Variants in PPP1R17 observed in about 807,000 individuals in gnomAD.
PPP1R17 encodes protein phosphatase 1 regulatory subunit 17.
A neutral mutation model predicts 15.9 loss-of-function variants in PPP1R17; 12 were observed. That is an observed-to-expected ratio of 0.75 (90% CI 0.48 to 1.22). PPP1R17 has a LOEUF of 1.22. Ranked by LOEUF, PPP1R17 falls within the 50% of genes most tolerant of loss-of-function variation. The probability of loss-of-function intolerance (pLI) is 0.00; values close to 1 mark genes in which losing one functional copy is unlikely to be tolerated. For missense variants in PPP1R17, 211 were observed against 187.3 expected (o/e 1.13, Z -0.74); for synonymous variants, 63 against 64.5 (o/e 0.98, Z 0.11).
chr7:31,697,103 C>T lies in PPP1R17; in HGVS notation c.374C>T (p.Ser125Phe), dbSNP rs141313463. The T allele has an allele frequency of 3.1e-6, 5 of 1,613,966 alleles. No homozygotes were observed. The highest frequency in any genetic ancestry group is 4.2e-6 in the Non-Finnish European group (5 of 1,179,922). ...AAAGACACACCTGCCCTGCACATGT[C>T]CCCCTTTGCAGCAGGTAAAAAAGCT... is the stretch of plus-strand genomic sequence containing the variant. ...RRKDTPALHM[S>F]PFAAGVTLLR... Residue 125 changes from serine to phenylalanine, a missense_variant, in exon 4 of 5, where the codon TCC (serine) becomes TTC (phenylalanine). Transcript: ENST00000342032.
At chr7:31,695,023 C>T (rs553062801) in intron 2 of PPP1R17, among the ~76,000 whole-genome samples, 1 of 152,148 alleles carries the variant, frequency 6.6e-6, no homozygotes, top group Non-Finnish European at 1.5e-5. Context: ...GAGAAATTCA[C>T]TGAGGACCGA....
rs534925346 is a variant in PPP1R17 at position 31,696,816 on chromosome 7, G to A, written c.236-149G>A. On this transcript the variant is annotated intron_variant, in intron 3 of 4. Coordinates refer to ENST00000342032, the MANE Select transcript of PPP1R17 (RefSeq NM_006658.5). ...TAGTGGAGCCTCAATAAATACTAAT[G>A]CTTCTTATGAAAAGTCTTGCTTTAT... 204 of 846,524 alleles carry A rather than the reference G, an allele frequency of 2.4e-4. 3 individuals carry two copies. In the South Asian group the frequency reaches 2.7e-3, roughly 11 times the overall value. The allele number at this position is 846,524 out of a possible 1,614,324, so 52.4% of individuals were successfully genotyped here.
At chr7:31,690,238 C>T (rs1343262178) in intron 1 of PPP1R17, among the ~76,000 whole-genome samples, 2 of 152,176 alleles carry the variant, frequency 1.3e-5, no homozygotes, top group Admixed American at 6.5e-5. Flanking sequence ...AAAAATCTAG[C>T]GTGGTAGATA....
chr7:31,691,432 T>C (rs1792336937), intron 1 of PPP1R17, among the ~76,000 whole-genome samples: 1 of 152,172 alleles, frequency 6.6e-6, no homozygotes, highest in Admixed American at 6.5e-5. Context: ...CTTGCTATAG[T>C]AGGACATGAG....
intron 4 of PPP1R17, 79 bp downstream of exon 4, chr7:31,697,196 C>G: frequency 6.5e-7 from 1 of 1,537,528 alleles, no homozygotes; most frequent in African/African-American, 1.4e-5. Flanking sequence ...GTCCCCAGGG[C>G]CTGGCCGTTG....
chr7:31,705,417 T>C lies in PPP1R17; in HGVS notation c.389-1787T>C, dbSNP rs147234809. Among the ~76,000 whole-genome samples the C allele has an allele frequency of 4.6e-5, 7 of 152,300 alleles. No individual in the cohort carries two copies. The East Asian group carries it at 1.2e-3, about 25-fold the overall frequency. Reference sequence around the variant, plus strand: ...CTATGTTCTCCTGCCATGCTAGCCTTAATTCCAAACAGAAATCCAAATCTC... The same window carrying C: ...CTATGTTCTCCTGCCATGCTAGCCTCAATTCCAAACAGAAATCCAAATCTC... On this transcript the variant is annotated intron_variant, in intron 4 of 4. Transcript: ENST00000342032.
intron 1 of PPP1R17, among the ~76,000 whole-genome samples, chr7:31,689,081 G>A (rs565305099): frequency 1.3e-5 from 2 of 152,250 alleles, no homozygotes; most frequent in East Asian, 3.9e-4. Flanking sequence ...CCCCTCTAGA[G>A]CTGTTATATA....
intron 4 of PPP1R17, 110 bp from the exon 5 acceptor site, chr7:31,707,094 C>T: frequency 1.1e-6 from 1 of 931,212 alleles, no homozygotes. Flanking sequence ...ACCTTGTAGA[C>T]ACTAAGAGGT....
Position 31,697,117 on chromosome 7 carries a change from G to C in PPP1R17, c.388G>C (p.Gly130Arg). The C allele has an allele frequency of 6.2e-7, 1 of 1,613,436 alleles. No homozygotes were observed. The highest frequency in any genetic ancestry group is 8.5e-7 in the Non-Finnish European group (1 of 1,179,696). The change falls in exon 4 of 5, where the codon GGT (glycine) becomes CGT (arginine). Residue 130 changes from glycine to arginine, a missense_variant and splice_region_variant. Transcript: ENST00000342032. ...CCTGCACATGTCCCCCTTTGCAGCAGGTAAAAAAGCTGGTGCAGGGCATTT... is the reference window on the plus strand; with the variant it reads ...CCTGCACATGTCCCCCTTTGCAGCACGTAAAAAAGCTGGTGCAGGGCATTT... ...PALHMSPFAAGVTLLRDERPK... is the reference protein window; with the variant it reads ...PALHMSPFAARVTLLRDERPK...
chr7:31,692,422 C>T lies in PPP1R17; in HGVS notation c.-20C>T. ...CTTCCTTAGTGCTGGAGAAGAAATA[C>T]ATCCACCCACCCTCCTTTGATGATG... On this transcript the variant is annotated 5_prime_UTR_variant, in exon 2 of 5. Coordinates refer to ENST00000342032, the MANE Select transcript of PPP1R17 (RefSeq NM_006658.5). 6.3e-7 allele frequency: 1 copy of T among 1,576,384 alleles called. No individual in the cohort carries two copies. The highest frequency in any genetic ancestry group is 8.7e-7 in the Non-Finnish European group (1 of 1,146,514).
chr7:31,690,934 C>T (rs1792316498), intron 1 of PPP1R17, among the ~76,000 whole-genome samples: 1 of 152,146 alleles, frequency 6.6e-6, no homozygotes, highest in Non-Finnish European at 1.5e-5. Context: ...GCCCATGACT[C>T]TGCCTGAAGA....
chr7:31,696,934 T>C lies in PPP1R17; in HGVS notation c.236-31T>C, dbSNP rs771218593. 2.5e-6 allele frequency: 4 copies of C among 1,608,518 alleles called. No homozygotes were observed. The South Asian group carries it at 4.4e-5, about 18-fold the overall frequency. On this transcript the variant is annotated intron_variant, in intron 3 of 4. Transcript: ENST00000342032. Reference sequence around the variant, plus strand: ...ATATTAGGATATATGTATTTGATCCTGTTTCTCTCTGTGTTCCCCTAACCA... The same window carrying C: ...ATATTAGGATATATGTATTTGATCCCGTTTCTCTCTGTGTTCCCCTAACCA...
chr7:31,702,567 A>C (rs1002447928), intron 4 of PPP1R17, among the ~76,000 whole-genome samples: 6 of 152,276 alleles, frequency 3.9e-5, no homozygotes, highest in African/African-American at 1.2e-4. Context: ...TTCTATTCTT[A>C]ACTAACTCTG....
chr7:31,692,386 T>G lies in PPP1R17; in HGVS notation c.-36-20T>G. 2 of 1,392,934 alleles carry G rather than the reference T, an allele frequency of 1.4e-6. No individual in the cohort carries two copies. Among genetic ancestry groups the G allele is most frequent in the Non-Finnish European group, 1.0e-6 (1 of 986,722 alleles). 86.3% of individuals were successfully genotyped at this position (1,392,934 alleles called of 1,614,324 possible). A position where few individuals can be genotyped will look rare whatever the true frequency, so the allele number is the denominator to read the frequency against. ...AATAAACAGAGCCATACTTATTAAC[T>G]GTTTTTTATACTTCCTTAGTGCTGG... On this transcript the variant is annotated intron_variant, in intron 1 of 4. Coordinates refer to ENST00000342032, the MANE Select transcript of PPP1R17 (RefSeq NM_006658.5).
intron 4 of PPP1R17, among the ~76,000 whole-genome samples, chr7:31,699,010 C>T (rs1192933047): frequency 6.6e-6 from 1 of 152,114 alleles, no homozygotes; most frequent in East Asian, 1.9e-4. Flanking sequence ...TGGGCATACA[C>T]TGGAAAACAA....
Position 31,688,865 on chromosome 7 carries a change from C to CAAG in PPP1R17, c.-37+1561_-37+1562insGAA, listed in dbSNP as rs574731135. On this transcript the variant is annotated intron_variant, in intron 1 of 4. Transcript: ENST00000342032. The stretch of plus-strand genomic sequence containing the variant: ...ACCACAACCAGAAGAGTAATTCGAT[C>CAAG]AATACTCTTTCATTCTCTAATTAAG... Among the ~76,000 whole-genome samples the CAAG allele has an allele frequency of 2.0e-5, 3 of 152,182 alleles. No homozygotes were observed. In the East Asian group the frequency reaches 5.8e-4, roughly 29 times the overall value.
intron 4 of PPP1R17, among the ~76,000 whole-genome samples, chr7:31,698,436 G>T (rs1792705046): frequency 6.6e-6 from 1 of 152,060 alleles, no homozygotes; most frequent in Admixed American, 6.6e-5. Flanking sequence ...GTGGGTTTTT[G>T]ACCCCACCTG....
rs1583851371 is a variant in PPP1R17 at position 31,701,941 on chromosome 7, T to C, written c.388+4824T>C. ...GGAAACCAAAAAATTTGTATGGCTC[T>C]GTTTATTGTGATACTTGCTTTATTG... On this transcript the variant is annotated intron_variant, in intron 4 of 4. Transcript: ENST00000342032. 1.3e-5 allele frequency among the ~76,000 whole-genome samples: 2 copies of C among 152,370 alleles called. 1 individual carries two copies. Among genetic ancestry groups the C allele is most frequent in the South Asian group, 4.1e-4 (2 of 4,830 alleles).
chr7:31,690,929 T>G (rs542298451), intron 1 of PPP1R17, among the ~76,000 whole-genome samples: 1 of 152,242 alleles, frequency 6.6e-6, no homozygotes, highest in African/African-American at 2.4e-5. Flanking sequence ...ACTGGGCCCA[T>G]GACTCTGCCT....
Sources: gnomAD v4.1 joint callset for allele counts (sites outside exome capture counted in the v4.1 genomes callset) on GRCh38, gnomAD v4.1.1 for gene constraint, MANE v1.5 for transcripts, NCBI Gene and HGNC (gene_info 2026-07-23, HGNC 2026-07-21) for gene names.